PCNX2: variants seen among roughly 807,000 people sequenced by gnomAD.
PCNX2 encodes the protein pecanex 2, also known as pecanex-like protein 2.
PCNX2 carries 168 observed loss-of-function variants against 223.8 expected under a neutral mutation model. The ratio of observed to expected loss-of-function variants is 0.75; its 90% CI spans 0.66 to 0.85. The LOEUF (loss-of-function observed/expected upper bound fraction) is 0.85, where lower values mean the gene tolerates loss of function less well. Among genes scored for constraint, PCNX2 ranks in the 40% least tolerant of loss-of-function variants. PCNX2 has a pLI of 0.00. For synonymous variants in PCNX2, 1,006 were observed against 1,052.6 expected (o/e 0.96, Z 0.86); for missense variants, 2,507 against 2,675.5 (o/e 0.94, Z 1.39).
intron 23 of PCNX2, among the ~76,000 whole-genome samples, chr1:233,078,592 A>T (rs551893277): frequency 6.6e-6 from 1 of 152,154 alleles, no homozygotes; most frequent in Non-Finnish European, 1.5e-5. Context: ...GCGACCATCC[A>T]TCTACCTGAA....
chr1:233,129,776 C>T (rs73105176), intron 21 of PCNX2, among the ~76,000 whole-genome samples: 1,616 of 152,300 alleles, frequency 0.011, 36 homozygotes, highest in African/African-American at 0.036. Context: ...CCCTGTCAAA[C>T]GGACCAATCA....
At chr1:233,108,876 G>A (rs1322780252) in intron 21 of PCNX2, among the ~76,000 whole-genome samples, 2 of 152,078 alleles carry the variant, frequency 1.3e-5, no homozygotes, top group Admixed American at 1.3e-4. Flanking sequence ...TAATCAGAAT[G>A]TCCTCCGTGT....
At chr1:232,984,538 C>T in intron 33 of PCNX2, 61 bp from the exon 34 acceptor site, 1 of 1,543,594 alleles carries the variant, frequency 6.5e-7, no homozygotes, top group South Asian at 1.2e-5. Flanking sequence ...CCACTTCTAA[C>T]TGGCATCACC....
chr1:233,055,875 C>T (rs890362944), intron 24 of PCNX2, among the ~76,000 whole-genome samples: 3 of 152,068 alleles, frequency 2.0e-5, no homozygotes, highest in East Asian at 3.9e-4. Context: ...GTGCGGAAGG[C>T]AGGGAGTGGT....
rs758563868 is a variant in PCNX2, at chr1:233,000,338, G to A, written c.5295C>T (p.Leu1765=). The A allele has an allele frequency of 1.9e-6, 3 of 1,613,976 alleles. No homozygotes were observed. In the Admixed American group the frequency reaches 5.0e-5, roughly 27 times the overall value. The change falls in exon 30 of 34, where the codon CTC becomes CTT. Residue 1765 remains leucine (L), a synonymous_variant. Coordinates refer to ENST00000258229, the MANE Select transcript of PCNX2 (RefSeq NM_014801.4). This position sits in a 1 kb window ranked among gnomAD's most constrained non-coding sequence, Gnocchi z 4.6. ...EGADEYKVIM[L]HRSFLSFKVI... is the part of the protein sequence containing the mutation. ...CCTTGAAGCTCAGGAAGCTTCTGTG[G>A]AGCATGATGACCTTGTACTCGTCGG...
At chr1:233,286,348 T>G (rs563524253) in intron 1 of PCNX2, among the ~76,000 whole-genome samples, 1 of 152,120 alleles carries the variant, frequency 6.6e-6, no homozygotes, top group South Asian at 2.1e-4. Flanking sequence ...ATGAGCCCCC[T>G]ACCATTTGGG....
intron 21 of PCNX2, among the ~76,000 whole-genome samples, chr1:233,111,399 A>G (rs986159504): frequency 3.3e-5 from 5 of 152,102 alleles, no homozygotes. Flanking sequence ...TTGTTTCAAA[A>G]TTATTTATTT....
rs139667074 is a variant in PCNX2, at chr1:233,040,552, C to T, written c.4351+13716G>A. 1.8e-3 allele frequency among the ~76,000 whole-genome samples: 275 copies of T among 152,268 alleles called. 1 individual carries two copies. Among genetic ancestry groups the T allele is most frequent in the African/African-American group, 6.3e-3 (263 of 41,556 alleles). ...CTTGGTCAGCACTGGAAAACAGCCT[C>T]GTGTTTCTCATTGATGCTCTCAGAC... On this transcript the variant is annotated intron_variant, in intron 25 of 33. Transcript: ENST00000258229.
chr1:233,079,895 A>T (rs1673278337), intron 23 of PCNX2, among the ~76,000 whole-genome samples: 1 of 152,130 alleles, frequency 6.6e-6, no homozygotes. Flanking sequence ...GTCCCCAAAC[A>T]CTAAAGTCCC....
intron 25 of PCNX2, among the ~76,000 whole-genome samples, chr1:233,027,896 T>C (rs1215168225): frequency 6.6e-6 from 1 of 152,260 alleles, no homozygotes; most frequent in East Asian, 1.9e-4. Flanking sequence ...TTTCTCTCTA[T>C]GCATTGCTTT....
chr1:233,222,065 G>GA (rs879654343), intron 10 of PCNX2, among the ~76,000 whole-genome samples: 25 of 152,286 alleles, frequency 1.6e-4, no homozygotes, highest in South Asian at 1.2e-3. Flanking sequence ...AAATGCAACA[G>GA]AAAAAAGAAT....
In PCNX2 at chr1:233,109,035, C is replaced by T. The variant is rs567856253; in HGVS notation, c.3838-13172G>A. 2.2e-4 allele frequency among the ~76,000 whole-genome samples: 34 copies of T among 152,242 alleles called. No homozygotes were observed. In the South Asian group the frequency reaches 2.7e-3, roughly 12 times the overall value. On this transcript the variant is annotated intron_variant, in intron 21 of 33. Transcript: ENST00000258229. Reference sequence around the variant, plus strand: ...CCAGCAGACTTCACTCTGGCAACCCCGCCTCACTCTCCAACCTGAACACAA... The same window carrying T: ...CCAGCAGACTTCACTCTGGCAACCCTGCCTCACTCTCCAACCTGAACACAA...
intron 1 of PCNX2, among the ~76,000 whole-genome samples, chr1:233,290,312 C>T (rs1252226397): frequency 6.6e-6 from 1 of 152,032 alleles, no homozygotes; most frequent in Non-Finnish European, 1.5e-5. Context: ...AAGAAACAGA[C>T]CGATGTGTGC....
chr1:233,176,469 A>C (rs1205603668), intron 17 of PCNX2, among the ~76,000 whole-genome samples: 4 of 152,218 alleles, frequency 2.6e-5, no homozygotes, highest in Admixed American at 2.6e-4. Flanking sequence ...ATCAACTTTG[A>C]AAGAATGCTC....
At chr1:233,305,715 A>T in the PCNX2 span, among the ~76,000 whole-genome samples, 1 of 152,266 alleles carries the variant, frequency 6.6e-6, no homozygotes, top group Non-Finnish European at 1.5e-5. Context: ...TTGGCCTCAC[A>T]AAGTACTGGG....
intron 23 of PCNX2, among the ~76,000 whole-genome samples, chr1:233,088,849 T>G (rs1241081511): frequency 1.3e-5 from 2 of 152,236 alleles, no homozygotes; most frequent in Non-Finnish European, 2.9e-5. Context: ...CAGGCCCACG[T>G]GGTGCTTACT....
intron 27 of PCNX2, among the ~76,000 whole-genome samples, chr1:233,015,755 T>C (rs1190272324): frequency 6.6e-6 from 1 of 152,012 alleles, no homozygotes; most frequent in African/African-American, 2.4e-5. Flanking sequence ...GTGCTTCTAG[T>C]CCCATCTACT....
At chr1:233,055,450 T>G (rs1672158609) in intron 24 of PCNX2, among the ~76,000 whole-genome samples, 1 of 151,942 alleles carries the variant, frequency 6.6e-6, no homozygotes, top group South Asian at 2.1e-4. Flanking sequence ...AAATTAGGAG[T>G]GCGTAGTGCA....
intron 1 of PCNX2, among the ~76,000 whole-genome samples, chr1:233,271,225 T>A (rs1660622743): frequency 6.6e-6 from 1 of 152,198 alleles, no homozygotes; most frequent in Non-Finnish European, 1.5e-5. Context: ...ATGTCACATG[T>A]CTCCTAATAG....
Sources: gnomAD v4.1 joint callset for allele counts (sites outside exome capture counted in the v4.1 genomes callset) on GRCh38, gnomAD v4.1.1 for gene constraint, Gnocchi (gnomAD v3.1) non-coding constraint, MANE v1.5 for transcripts, NCBI Gene and HGNC (gene_info 2026-07-23, HGNC 2026-07-21) for gene names.